The following MRTFB variants were observed in gnomAD, a reference collection of about 807,000 sequenced individuals.
MRTFB encodes myocardin related transcription factor B.
MRTFB carries 29 observed loss-of-function variants against 104.2 expected under a neutral mutation model. That is an observed-to-expected ratio of 0.28 (90% CI 0.21 to 0.38). MRTFB has a LOEUF of 0.38. Among genes scored for constraint, MRTFB ranks in the 10% least tolerant of loss-of-function variants. The pLI is 1.00. For missense variants in MRTFB, 1,270 were observed against 1,341.6 expected, an observed-to-expected ratio of 0.95 and a Z score of 0.83; for synonymous variants, 535 against 519.5, an observed-to-expected ratio of 1.03 and a Z score of -0.41.
At chr16:14,196,301 A>G (rs1398857940) in intron 3 of MRTFB, among the ~76,000 whole-genome samples, 2 of 152,206 alleles carry the variant, frequency 1.3e-5, no homozygotes, top group Admixed American at 6.5e-5. Flanking sequence ...TAGGAAACCT[A>G]CAGTGTATTA....
intron 3 of MRTFB, among the ~76,000 whole-genome samples, chr16:14,182,056 G>C (rs181869311): frequency 1.6e-4 from 23 of 146,522 alleles, no homozygotes; most frequent in African/African-American, 6.3e-4. Context: ...CGTGACATTA[G>C]AGCCAAATGA....
chr16:14,243,829 C>G (rs2042886345), intron 10 of MRTFB, among the ~76,000 whole-genome samples: 1 of 147,832 alleles, frequency 6.8e-6, no homozygotes, highest in African/African-American at 2.6e-5. Flanking sequence ...ATCATCCTGA[C>G]TTCTATCCCC....
At chr16:14,179,494 C>T (rs573652904) in intron 3 of MRTFB, among the ~76,000 whole-genome samples, 7 of 152,190 alleles carry the variant, frequency 4.6e-5, no homozygotes, top group African/African-American at 1.7e-4. Flanking sequence ...CATACATTTC[C>T]GTAAGGAGTT....
intron 2 of MRTFB, among the ~76,000 whole-genome samples, chr16:14,103,178 T>C (rs1831646238): frequency 6.6e-6 from 1 of 152,166 alleles, no homozygotes; most frequent in Non-Finnish European, 1.5e-5. Flanking sequence ...TACCACACTA[T>C]GTTGTGATGT....
intron 3 of MRTFB, among the ~76,000 whole-genome samples, chr16:14,187,187 G>A (rs1262473915): frequency 1.3e-5 from 2 of 152,176 alleles, no homozygotes; most frequent in African/African-American, 4.8e-5. Flanking sequence ...AAAGCTTAAT[G>A]CTGTTCTGGG....
the MRTFB span, chr16:14,013,450 G>C: frequency 1.3e-5 from 2 of 152,194 alleles, no homozygotes; most frequent in Non-Finnish European, 2.9e-5. Context: ...CAGCATGGCA[G>C]GTTGCGGCCT....
At chr16:14,077,249 T>C (rs964207369) in intron 1 of MRTFB, among the ~76,000 whole-genome samples, 2 of 152,210 alleles carry the variant, frequency 1.3e-5, no homozygotes, top group Non-Finnish European at 2.9e-5. Context: ...AACACCTAAA[T>C]CTCTGATCCA....
intron 3 of MRTFB, chr16:14,149,566 G>C (rs2038509332): frequency 6.6e-6 from 1 of 152,146 alleles, no homozygotes; most frequent in African/African-American, 2.4e-5. Flanking sequence ...CGCTGTATCA[G>C]AATACTCCGC....
rs577307736 is a variant in MRTFB at position 14,258,538 on chromosome 16, T to G, written c.2764+377T>G. Among the ~76,000 whole-genome samples the G allele has an allele frequency of 1.4e-4, 22 of 152,328 alleles. No homozygotes were observed. In the South Asian group the frequency reaches 4.6e-3, roughly 32 times the overall value. On this transcript the variant is annotated intron_variant, in intron 16 of 16. Transcript: ENST00000571589. ...TGAGCCCAGGAGGTCAAGGCTGCAG[T>G]GAACTGTGATAGCTTAAAACAGTAA... is the stretch of plus-strand genomic sequence containing the variant.
intron 2 of MRTFB, among the ~76,000 whole-genome samples, chr16:14,080,790 A>C (rs1053011346): frequency 2.0e-5 from 3 of 152,204 alleles, no homozygotes; most frequent in Admixed American, 1.3e-4. Context: ...TTTCACTTAA[A>C]GAGGTGATGT....
At chr16:14,006,647 G>T in the MRTFB span, among the ~76,000 whole-genome samples, 1 of 151,878 alleles carries the variant, frequency 6.6e-6, no homozygotes, top group Admixed American at 6.6e-5. Flanking sequence ...CTAAACAATA[G>T]TATTGTTTGC....
chr16:14,107,256 A>G (rs2036030130), intron 2 of MRTFB, among the ~76,000 whole-genome samples: 1 of 152,126 alleles, frequency 6.6e-6, no homozygotes, highest in African/African-American at 2.4e-5. Flanking sequence ...ACAAAAACGG[A>G]GGAAAAAGTC....
the MRTFB span, among the ~76,000 whole-genome samples, chr16:14,003,121 T>C: frequency 8.5e-5 from 13 of 152,158 alleles, no homozygotes; most frequent in Non-Finnish European, 1.6e-4. Flanking sequence ...CGTAGTTTTT[T>C]GTAGCTTTTC....
intron 3 of MRTFB, among the ~76,000 whole-genome samples, chr16:14,161,085 CTTTTTTTTTTTTTT>C (rs57360069): frequency 5.6e-5 from 3 of 53,130 alleles, no homozygotes; most frequent in African/African-American, 1.9e-4. Context: ...AATGCCAGGA[CTTTTTTTTTTTTTT>C]TTTTTTTTTT....
chr16:14,172,171 C>T (rs2039443892), intron 3 of MRTFB, among the ~76,000 whole-genome samples: 1 of 152,122 alleles, frequency 6.6e-6, no homozygotes, highest in African/African-American at 2.4e-5. Context: ...CCTGTGTCCC[C>T]ACCCAATGAA....
intron 15 of MRTFB, 49 bp downstream of exon 15, chr16:14,252,551 A>G: frequency 6.2e-7 from 1 of 1,608,204 alleles, no homozygotes; most frequent in Non-Finnish European, 8.5e-7. Flanking sequence ...GGATGTGCCC[A>G]CGTTCAGTCT....
At chr16:14,167,458 C>T (rs1433125165) in intron 3 of MRTFB, among the ~76,000 whole-genome samples, 1 of 151,636 alleles carries the variant, frequency 6.6e-6, no homozygotes, top group Non-Finnish European at 1.5e-5. Flanking sequence ...TGTAGGTTGT[C>T]GATTCACTCT....
At chr16:13,998,995 C>A in the MRTFB span, among the ~76,000 whole-genome samples, 1 of 149,052 alleles carries the variant, frequency 6.7e-6, no homozygotes, top group Non-Finnish European at 1.5e-5. Flanking sequence ...TTCAAGACCA[C>A]CTTGGGCAAC....
At chr16:14,201,523 G>C (rs1459126788) in intron 3 of MRTFB, among the ~76,000 whole-genome samples, 1 of 151,608 alleles carries the variant, frequency 6.6e-6, no homozygotes, top group African/African-American at 2.4e-5. Context: ...AGTGAAAACA[G>C]TTAGGGCCAG....
Sources: allele counts gnomAD v4.1 joint callset (sites outside exome capture counted in the v4.1 genomes callset), GRCh38; gene constraint gnomAD v4.1.1; transcripts MANE v1.5; gene names NCBI Gene and HGNC (gene_info 2026-07-23, HGNC 2026-07-21).